The following NT5DC1 variants were observed in gnomAD, a reference collection of about 807,000 sequenced individuals.
NT5DC1 encodes 5'-nucleotidase domain containing 1, also known as 5'-nucleotidase domain-containing protein 1.
NT5DC1 carries 42 observed loss-of-function variants against 59.4 expected under a neutral mutation model. The observed-to-expected ratio is 0.71, with a 90% confidence interval of 0.55 to 0.92. The LOEUF (loss-of-function observed/expected upper bound fraction) is 0.92. NT5DC1 is among the 40% of genes least tolerant of loss of function. The pLI is 0.00. For synonymous variants in NT5DC1, 172 were observed against 188.1 expected, an observed-to-expected ratio of 0.91 and a Z score of 0.70; for missense variants, 501 against 537.1, an observed-to-expected ratio of 0.93 and a Z score of 0.66.
chr6:116,143,870 G>A (rs1280023278), intron 6 of NT5DC1, among the ~76,000 whole-genome samples: 1 of 152,122 alleles, frequency 6.6e-6, no homozygotes, highest in African/African-American at 2.4e-5. Context: ...GTGTTTGGTT[G>A]TGTTGTGTTT....
chr6:116,106,104 A>G (rs1380464314), intron 1 of NT5DC1, 140 bp from the exon 2 acceptor site: 3 of 677,484 alleles, frequency 4.4e-6, no homozygotes, highest in African/African-American at 1.8e-5. Context: ...GGAGAATTAT[A>G]CTGCAGAACT....
At chr6:116,210,867 C>G (rs996199222) in intron 6 of NT5DC1, among the ~76,000 whole-genome samples, 1 of 151,968 alleles carries the variant, frequency 6.6e-6, no homozygotes, top group Non-Finnish European at 1.5e-5. Flanking sequence ...AGAAAATATA[C>G]TGGCAGGAAT....
At chr6:116,237,161 T>C in intron 9 of NT5DC1, 77 bp downstream of exon 9, 1 of 795,710 alleles carries the variant, frequency 1.3e-6, no homozygotes, top group East Asian at 2.4e-5. Flanking sequence ...ATCTCTCCTC[T>C]TAATTCTTCT....
intron 6 of NT5DC1, among the ~76,000 whole-genome samples, chr6:116,182,698 C>A (rs1451284361): frequency 6.6e-6 from 1 of 151,970 alleles, no homozygotes; most frequent in African/African-American, 2.4e-5. Context: ...TTAGAATTGT[C>A]TCTTCATGTC....
intron 2 of NT5DC1, among the ~76,000 whole-genome samples, chr6:116,107,962 G>A (rs1778799285): frequency 6.6e-6 from 1 of 151,990 alleles, no homozygotes; most frequent in Non-Finnish European, 1.5e-5. Context: ...AGGAAAGACT[G>A]GCTAAGTGCT....
chr6:116,122,973 G>C (rs1779178587), intron 6 of NT5DC1, among the ~76,000 whole-genome samples: 1 of 152,120 alleles, frequency 6.6e-6, no homozygotes, highest in African/African-American at 2.4e-5. Flanking sequence ...ATATTTCATT[G>C]ATTGTAGTGT....
chr6:116,214,273 G>A (rs1475094952), intron 6 of NT5DC1, among the ~76,000 whole-genome samples: 1 of 151,664 alleles, frequency 6.6e-6, no homozygotes, highest in Non-Finnish European at 1.5e-5. Context: ...CAGTTCATCA[G>A]GTCTTTATTC....
At chr6:116,180,453 A>T (rs1315002094) in intron 6 of NT5DC1, among the ~76,000 whole-genome samples, 1 of 152,118 alleles carries the variant, frequency 6.6e-6, no homozygotes, top group Non-Finnish European at 1.5e-5. Context: ...GGACCTAGGT[A>T]GTGATCATTA....
At chr6:116,195,618 C>T (rs111563015) in intron 6 of NT5DC1, among the ~76,000 whole-genome samples, 3 of 152,066 alleles carry the variant, frequency 2.0e-5, no homozygotes, top group African/African-American at 7.2e-5. Context: ...TGTACATAAT[C>T]AGGGGTTAGA....
chr6:116,235,240 C>T (rs989621835), intron 8 of NT5DC1, among the ~76,000 whole-genome samples: 14 of 152,032 alleles, frequency 9.2e-5, no homozygotes, highest in Non-Finnish European at 1.5e-5. Context: ...CCATCAAATT[C>T]ACATTATTTG....
At chr6:116,205,392 A>G (rs1781429910) in intron 6 of NT5DC1, among the ~76,000 whole-genome samples, 1 of 151,982 alleles carries the variant, frequency 6.6e-6, no homozygotes, top group Admixed American at 6.6e-5. Context: ...AAGTGTTCAC[A>G]TATCTTACTT....
intron 6 of NT5DC1, among the ~76,000 whole-genome samples, chr6:116,190,133 T>C (rs962524637): frequency 4.6e-5 from 7 of 152,084 alleles, no homozygotes; most frequent in African/African-American, 1.7e-4. Context: ...TAAGATGTAA[T>C]ATCTATATCA....
rs1191904488 is a variant in NT5DC1, at chr6:116,247,855, TAGC to T, written c.*3835_*3837del. Reference sequence around the variant, plus strand: ...AATGTCAGCGGTTACTTACAATGCTTAGCAGCTAAATTCCATGAGTATAACGTT... The same window carrying T: ...AATGTCAGCGGTTACTTACAATGCTTAGCTAAATTCCATGAGTATAACGTT... On this transcript the variant is annotated 3_prime_UTR_variant, in exon 12 of 12. Coordinates refer to ENST00000319550, the MANE Select transcript of NT5DC1 (RefSeq NM_152729.3). The T allele has an allele frequency of 2.6e-5, 4 of 152,214 alleles. No homozygotes were observed. The highest frequency in any genetic ancestry group is 5.9e-5 in the Non-Finnish European group (4 of 68,022). 9.4% of individuals were successfully genotyped at this position (152,214 alleles called of 1,614,324 possible).
chr6:116,138,529 A>G (rs1178160588), intron 6 of NT5DC1, among the ~76,000 whole-genome samples: 1 of 152,226 alleles, frequency 6.6e-6, no homozygotes, highest in African/African-American at 2.4e-5. Context: ...AGAATTTGCT[A>G]ATTAAAAACG....
chr6:116,206,376 G>T (rs1327136966), intron 6 of NT5DC1, among the ~76,000 whole-genome samples: 2 of 151,982 alleles, frequency 1.3e-5, no homozygotes, highest in Non-Finnish European at 2.9e-5. Flanking sequence ...TTATAACTGT[G>T]ATCATTTTAT....
intron 6 of NT5DC1, among the ~76,000 whole-genome samples, chr6:116,181,486 A>C (rs1172181247): frequency 6.6e-6 from 1 of 152,132 alleles, no homozygotes; most frequent in African/African-American, 2.4e-5. Flanking sequence ...ATAGGAAACT[A>C]GGAATAGAAA....
rs558284954 is a variant in NT5DC1 at position 116,169,472 on chromosome 6, G to T, written c.529+51527G>T. Among the ~76,000 whole-genome samples, 23 of 152,336 alleles carry T rather than the reference G, an allele frequency of 1.5e-4. No individual in the cohort carries two copies. In the East Asian group the frequency reaches 3.3e-3, roughly 22 times the overall value. On this transcript the variant is annotated intron_variant, in intron 6 of 11. Coordinates refer to ENST00000319550, the MANE Select transcript of NT5DC1 (RefSeq NM_152729.3). The stretch of plus-strand genomic sequence containing the variant: ...GCATAGTGATTAGCCAGAATATCAT[G>T]ATAGGTGCCGTAAGTTCTGTATGAA...
At chr6:116,105,379 T>G (rs1054508503) in intron 1 of NT5DC1, among the ~76,000 whole-genome samples, 1 of 152,180 alleles carries the variant, frequency 6.6e-6, no homozygotes, top group African/African-American at 2.4e-5. Context: ...TCGAAACCTG[T>G]TGTGGGTTAA....
intron 6 of NT5DC1, among the ~76,000 whole-genome samples, chr6:116,154,285 G>A (rs1426071467): frequency 1.3e-5 from 2 of 152,152 alleles, no homozygotes; most frequent in African/African-American, 4.8e-5. Flanking sequence ...CATAGCTGGA[G>A]TAGGTTTCGT....
Sources: gnomAD v4.1 joint callset for allele counts (sites outside exome capture counted in the v4.1 genomes callset) on GRCh38, gnomAD v4.1.1 for gene constraint, MANE v1.5 for transcripts, NCBI Gene and HGNC (gene_info 2026-07-23, HGNC 2026-07-21) for gene names.